YAE1: variants seen among roughly 807,000 people sequenced by gnomAD.
YAE1 encodes YAE1 maturation factor of ABCE1.
YAE1 carries 22 observed loss-of-function variants against 23.0 expected under a neutral mutation model. The ratio of observed to expected loss-of-function variants is 0.96; its 90% CI spans 0.68 to 1.37. The LOEUF (loss-of-function observed/expected upper bound fraction) is 1.37, where lower values mean the gene tolerates loss of function less well. Among genes scored for constraint, YAE1 ranks in the 40% most tolerant of loss-of-function variants. The pLI, the probability that YAE1 is intolerant of heterozygous loss-of-function variation, is 0.00. For missense variants in YAE1, 260 were observed against 262.1 expected, an observed-to-expected ratio of 0.99 and a Z score of 0.06; for synonymous variants, 101 against 97.0, an observed-to-expected ratio of 1.04 and a Z score of -0.24.
intron 2 of YAE1, among the ~76,000 whole-genome samples, chr7:39,603,812 A>T (rs764750770): frequency 4.6e-5 from 7 of 152,188 alleles, no homozygotes; most frequent in Non-Finnish European, 8.8e-5. Context: ...CCACAGCTGG[A>T]TCTGCACAGT....
intron 2 of YAE1, among the ~76,000 whole-genome samples, chr7:39,584,197 T>C (rs1408973346): frequency 2.6e-5 from 4 of 152,188 alleles, no homozygotes; most frequent in Non-Finnish European, 5.9e-5. Flanking sequence ...AGAAAACCTT[T>C]TAAACATTTG....
rs532779031 is a variant in YAE1, at chr7:39,568,138, T to A, written c.129+1591T>A. On this transcript the variant is annotated intron_variant, in intron 1 of 2. Coordinates refer to ENST00000223273, the MANE Select transcript of YAE1 (RefSeq NM_020192.5). Reference sequence around the variant, plus strand: ...CTATAGTCCCAGCTACTTGGGAGGCTGAGGCAGAAGAATCACTTGAATCCG... The same window carrying A: ...CTATAGTCCCAGCTACTTGGGAGGCAGAGGCAGAAGAATCACTTGAATCCG... Among the ~76,000 whole-genome samples, 19 of 152,204 alleles carry A rather than the reference T, an allele frequency of 1.2e-4. No homozygotes were observed. In the South Asian group the frequency reaches 3.9e-3, roughly 32 times the overall value.
chr7:39,608,167 T>C (rs1372540694), intron 2 of YAE1, among the ~76,000 whole-genome samples: 1 of 152,190 alleles, frequency 6.6e-6, no homozygotes, highest in Admixed American at 6.5e-5. Context: ...GTTATAAAGG[T>C]ATAAAGGTAT....
intron 2 of YAE1, among the ~76,000 whole-genome samples, chr7:39,595,544 A>G (rs1309838891): frequency 2.0e-5 from 3 of 152,262 alleles, no homozygotes; most frequent in African/African-American, 4.8e-5. Flanking sequence ...AGTATACTAC[A>G]AATGGCTTTT....
downstream of YAE1, among the ~76,000 whole-genome samples, chr7:39,577,270 T>C (rs550020472): frequency 6.6e-6 from 1 of 152,364 alleles, no homozygotes; most frequent in Admixed American, 6.5e-5. Context: ...AACTGTGTCA[T>C]TGAGAGGTGA....
downstream of YAE1, among the ~76,000 whole-genome samples, chr7:39,610,776 G>T (rs531680303): frequency 6.6e-6 from 1 of 152,164 alleles, no homozygotes; most frequent in African/African-American, 2.4e-5. Context: ...TATATAAATT[G>T]TAACAGTGGA....
downstream of YAE1, among the ~76,000 whole-genome samples, chr7:39,575,561 A>AGAGAGAGG: frequency 8.9e-6 from 1 of 111,846 alleles, no homozygotes; most frequent in South Asian, 2.6e-4. Flanking sequence ...AGAGAGAGAG[A>AGAGAGAGG]GAGAGAGAGA....
At chr7:39,579,949 G>A (rs1790717080) in intron 2 of YAE1, among the ~76,000 whole-genome samples, 1 of 152,008 alleles carries the variant, frequency 6.6e-6, no homozygotes, top group South Asian at 2.1e-4. Context: ...GGAAGCTGAA[G>A]TGGGAGGATC....
At chr7:39,576,652 G>A (rs749485457), downstream of YAE1, among the ~76,000 whole-genome samples, 15 of 152,298 alleles carry the variant, frequency 9.8e-5, no homozygotes, top group Non-Finnish European at 2.2e-4. Context: ...ATCAGGCAGA[G>A]GTGATTGCTC....
At chr7:39,609,537 G>T in intron 2 of YAE1, 1 of 1,476,404 alleles carries the variant, frequency 6.8e-7, no homozygotes, top group Non-Finnish European at 9.0e-7. Flanking sequence ...TGATGTTATC[G>T]AATTGGGAGA....
chr7:39,589,897 A>C (rs142762606), intron 2 of YAE1, among the ~76,000 whole-genome samples: 15 of 152,342 alleles, frequency 9.8e-5, no homozygotes, highest in African/African-American at 2.9e-4. Flanking sequence ...TGATAAGGTC[A>C]CACACTTCAC....
intron 1 of YAE1, chr7:39,570,084 A>G (rs536932955): frequency 6.0e-6 from 7 of 1,167,018 alleles, no homozygotes; most frequent in African/African-American, 4.6e-5. Context: ...AGCTCTCTCC[A>G]GTTCTTGTCT....
At chr7:39,573,565 C>T (rs1790607934), downstream of YAE1, among the ~76,000 whole-genome samples, 1 of 152,088 alleles carries the variant, frequency 6.6e-6, no homozygotes, top group African/African-American at 2.4e-5. Context: ...CTTTTATTCA[C>T]CTGAAACACA....
chr7:39,604,227 C>T (rs1791096270), intron 2 of YAE1, among the ~76,000 whole-genome samples: 1 of 152,202 alleles, frequency 6.6e-6, no homozygotes, highest in African/African-American at 2.4e-5. Flanking sequence ...CATTTATTAA[C>T]ATCTCCTTTT....
rs1036969535 is a variant in YAE1, at chr7:39,610,086, G to A, written c.*100G>A. 18 of 1,379,812 alleles carry A rather than the reference G, an allele frequency of 1.3e-5. No individual in the cohort carries two copies. In the Admixed American group the frequency reaches 3.1e-4, roughly 24 times the overall value. The allele number at this position is 1,379,812 out of a possible 1,614,324, so 85.5% of individuals were successfully genotyped here. On this transcript the variant is annotated 3_prime_UTR_variant, in exon 3 of 3. Transcript: ENST00000432096. ...TGCAGGTTTCTCCTGGGTGAAGATG[G>A]ACCAGCCCACCTTGGCCCTCCGGCA...
chr7:39,574,204 G>C (rs1217533809), downstream of YAE1, among the ~76,000 whole-genome samples: 1 of 152,170 alleles, frequency 6.6e-6, no homozygotes, highest in East Asian at 1.9e-4. Context: ...GCTACATATG[G>C]TGTGTTTGTA....
chr7:39,566,917 G>A lies in YAE1; in HGVS notation c.129+370G>A, dbSNP rs180889116. On this transcript the variant is annotated intron_variant, in intron 1 of 2. Coordinates refer to ENST00000223273, the MANE Select transcript of YAE1 (RefSeq NM_020192.5). ...CGCAGTTTATATGGGTGGCTTGAATGGGTAGGGAGCCTAAAGTTAAGGAGT... is the reference window on the plus strand; with the variant it reads ...CGCAGTTTATATGGGTGGCTTGAATAGGTAGGGAGCCTAAAGTTAAGGAGT... The A allele has an allele frequency of 5.0e-4, 89 of 177,656 alleles. No homozygotes were observed. The East Asian group carries it at 0.012, about 23-fold the overall frequency. The allele number at this position is 177,656 out of a possible 1,614,324, so 11.0% of individuals were successfully genotyped here. A position where few individuals can be genotyped will look rare whatever the true frequency, so the allele number is the denominator to read the frequency against.
At chr7:39,589,441 T>A (rs568285211) in intron 2 of YAE1, among the ~76,000 whole-genome samples, 73 of 152,164 alleles carry the variant, frequency 4.8e-4, no homozygotes, top group Admixed American at 9.8e-4. Context: ...CTAATTTTTT[T>A]AATTTTTGTA....
Position 39,572,326 on chromosome 7 carries a change from A to C in YAE1, c.301A>C (p.Asn101His). ...TCATAATAATAATTCAACTTTGATC[A>C]ATAAAATAAACAATCTTCTGGATGC... ...HLHNNNSTLINKINNLLDAVG... is the reference protein window; with the variant it reads ...HLHNNNSTLIHKINNLLDAVG... Residue 101 changes from asparagine to histidine, a missense_variant, in exon 3 of 3, where the codon AAT (asparagine) becomes CAT (histidine). Coordinates refer to ENST00000223273, the MANE Select transcript of YAE1 (RefSeq NM_020192.5). 1 of 1,613,932 alleles carries C rather than the reference A, an allele frequency of 6.2e-7. No homozygotes were observed. Among genetic ancestry groups the C allele is most frequent in the Non-Finnish European group, 8.5e-7 (1 of 1,179,906 alleles).
Sources: allele counts gnomAD v4.1 joint callset (sites outside exome capture counted in the v4.1 genomes callset), GRCh38; gene constraint gnomAD v4.1.1; transcripts MANE v1.5; gene names NCBI Gene and HGNC (gene_info 2026-07-23, HGNC 2026-07-21).